The following FBXL12 variants were observed in gnomAD, a reference collection of about 807,000 sequenced individuals.
FBXL12 encodes F-box/LRR-repeat protein 12.
A neutral mutation model predicts 24.9 loss-of-function variants in FBXL12; 22 were observed. The ratio of observed to expected loss-of-function variants is 0.88; its 90% CI spans 0.63 to 1.26. FBXL12 has a LOEUF of 1.26. FBXL12 is among the 50% of genes most tolerant of loss of function. FBXL12 has a pLI of 0.00. For synonymous variants in FBXL12, 193 were observed against 193.8 expected (o/e 1.00, Z 0.03); for missense variants, 384 against 434.1 (o/e 0.88, Z 1.03).
rs1289319912 is a variant in FBXL12 at position 9,818,761 on chromosome 19, T to G, written c.53A>C (p.Tyr18Ser). ...GCGGATCCGGTCCCGTACCGGGAGG[T>G]AAGAGAAGATCTCGAGCAGGACCGA... ...PDSVLLEIFS[Y>S]LPVRDRIRIS... Residue 18 changes from tyrosine (Y) to serine (S), a missense_variant, in exon 1 of 3, where the codon TAC (tyrosine) becomes TCC (serine). Coordinates refer to ENST00000247977, the MANE Select transcript of FBXL12 (RefSeq NM_017703.3). 7 of 1,553,278 alleles carry G rather than the reference T, an allele frequency of 4.5e-6. No homozygotes were observed. Among genetic ancestry groups the G allele is most frequent in the Non-Finnish European group, 6.1e-6 (7 of 1,147,504 alleles).
chr19:9,815,869 G>T (rs1395239749), intron 2 of FBXL12, among the ~76,000 whole-genome samples: 9 of 152,236 alleles, frequency 5.9e-5, no homozygotes, highest in Admixed American at 1.3e-4. Context: ...GGCTGGTCTT[G>T]AACTCCTGAC....
In FBXL12 at chr19:9,818,996, C is replaced by A. The variant is rs777580105; in HGVS notation, c.-183G>T. Reference sequence around the variant, plus strand: ...CCAGCCGCGGATGGGGACCAGAAACCAGCCTGGAAAGCGTGGCTGAGGCAG... The same window carrying A: ...CCAGCCGCGGATGGGGACCAGAAACAAGCCTGGAAAGCGTGGCTGAGGCAG... On this transcript the variant is annotated 5_prime_UTR_variant, in exon 1 of 3. Transcript: ENST00000247977. 4.8e-6 allele frequency: 3 copies of A among 623,908 alleles called. No individual in the cohort carries two copies. Among genetic ancestry groups the A allele is most frequent in the Non-Finnish European group, 8.5e-6 (3 of 353,580 alleles). 38.6% of individuals were successfully genotyped at this position (623,908 alleles called of 1,614,324 possible). A position where few individuals can be genotyped will look rare whatever the true frequency, so the allele number is the denominator to read the frequency against.
chr19:9,817,741 A>C (rs2045913077), intron 2 of FBXL12, among the ~76,000 whole-genome samples: 1 of 152,206 alleles, frequency 6.6e-6, no homozygotes, highest in South Asian at 2.1e-4. Context: ...AAATTGTTTA[A>C]AAGTAGAACA....
intron 2 of FBXL12, among the ~76,000 whole-genome samples, chr19:9,813,668 TG>T (rs931080887): frequency 6.6e-6 from 1 of 151,836 alleles, no homozygotes; most frequent in Non-Finnish European, 1.5e-5. Context: ...TGCCCGGCTA[TG>T]TTTTTTTTGT....
intron 2 of FBXL12, among the ~76,000 whole-genome samples, chr19:9,817,260 C>T (rs2045906343): frequency 6.6e-6 from 1 of 152,108 alleles, no homozygotes; most frequent in African/African-American, 2.4e-5. Flanking sequence ...TTTGCCACTG[C>T]CTGGGTGACA....
In FBXL12 at chr19:9,810,767, C is replaced by A; in HGVS notation, c.*129G>T. 1 of 695,924 alleles carries A rather than the reference C, an allele frequency of 1.4e-6. No individual in the cohort carries two copies. Among genetic ancestry groups the A allele is most frequent in the Non-Finnish European group, 2.4e-6 (1 of 424,224 alleles). 43.1% of individuals were successfully genotyped at this position (695,924 alleles called of 1,614,324 possible). A position where few individuals can be genotyped will look rare whatever the true frequency, so the allele number is the denominator to read the frequency against. ...TTCCAATGGTCTGGAGGTCCCTAGG[C>A]CTCTGTTCTCTCAACCTGGGGCTTT... On this transcript the variant is annotated 3_prime_UTR_variant, in exon 3 of 3. Transcript: ENST00000247977.
In FBXL12 at chr19:9,811,641, T is replaced by A. The variant is rs1281573653; in HGVS notation, c.236A>T (p.Tyr79Phe). 2 of 1,527,230 alleles carry A rather than the reference T, an allele frequency of 1.3e-6. No homozygotes were observed. The highest frequency in any genetic ancestry group is 1.8e-6 in the Non-Finnish European group (2 of 1,137,106). 94.6% of individuals were successfully genotyped at this position (1,527,230 alleles called of 1,614,324 possible). A position where few individuals can be genotyped will look rare whatever the true frequency, so the allele number is the denominator to read the frequency against. Reference protein sequence around the residue: ...SRLHSLRMGGYLFSGSQAPQL... With the variant: ...SRLHSLRMGGFLFSGSQAPQL... Reference sequence around the variant, plus strand: ...GGGGGCCTGGGAGCCAGAGAACAGGTAGCCACCCATCCGCAGGGAATGGAG... The same window carrying A: ...GGGGGCCTGGGAGCCAGAGAACAGGAAGCCACCCATCCGCAGGGAATGGAG... The change falls in exon 3 of 3, where the codon TAC becomes TTC. Residue 79 changes from tyrosine (Y) to phenylalanine (F), a missense_variant. Physicochemically the swap from Tyr to Phe is conservative, Grantham distance 22. Transcript: ENST00000247977. This position sits in a 1 kb window ranked among gnomAD's most constrained non-coding sequence, Gnocchi z 6.0.
Position 9,818,765 on chromosome 19 carries a change from A to C in FBXL12, c.49T>G (p.Ser17Ala). ...LPDSVLLEIFSYLPVRDRIRI... is the reference protein window; with the variant it reads ...LPDSVLLEIFAYLPVRDRIRI... The stretch of plus-strand genomic sequence containing the variant: ...ATCCGGTCCCGTACCGGGAGGTAAG[A>C]GAAGATCTCGAGCAGGACCGAGTCC... The change falls in exon 1 of 3, where the codon TCT (serine) becomes GCT (alanine). Residue 17 changes from serine to alanine, a missense_variant. Transcript: ENST00000247977. 1 of 1,555,588 alleles carries C rather than the reference A, an allele frequency of 6.4e-7. No homozygotes were observed. The highest frequency in any genetic ancestry group is 8.7e-7 in the Non-Finnish European group (1 of 1,148,426).
Position 9,811,486 on chromosome 19 carries a change from G to T in FBXL12, c.391C>A (p.Leu131Met). The T allele has an allele frequency of 6.2e-7, 1 of 1,613,894 alleles. No homozygotes were observed. The highest frequency in any genetic ancestry group is 2.2e-5 in the East Asian group (1 of 44,874). Residue 131 changes from leucine (L) to methionine (M), a missense_variant, in exon 3 of 3, where the codon CTG becomes ATG. Coordinates refer to ENST00000247977, the MANE Select transcript of FBXL12 (RefSeq NM_017703.3). The surrounding 1 kb of genome is among the most constrained non-coding windows in gnomAD (Gnocchi z 6.0). The part of the protein sequence containing the change: ...SLPSTLRTLE[L>M]HSCEISMAWL... ...GCCATGGAGATCTCGCAGCTGTGCA[G>T]CTCCAGGGTCCTCAAGGTGCTGGGC... is the stretch of plus-strand genomic sequence containing the variant.
chr19:9,815,974 G>A (rs2045874441), intron 2 of FBXL12, among the ~76,000 whole-genome samples: 1 of 152,166 alleles, frequency 6.6e-6, no homozygotes, highest in African/African-American at 2.4e-5. Flanking sequence ...TGGCTTCTGT[G>A]CACCAGCAGG....
intron 2 of FBXL12, among the ~76,000 whole-genome samples, chr19:9,812,302 G>A (rs1599423540): frequency 1.3e-5 from 2 of 152,084 alleles, no homozygotes; most frequent in Admixed American, 1.3e-4. Flanking sequence ...AGGCTGAGGT[G>A]GATGGATCAT....
intron 2 of FBXL12, chr19:9,814,428 T>C (rs1019684768): frequency 1.3e-5 from 2 of 152,112 alleles, no homozygotes; most frequent in Non-Finnish European, 2.9e-5. Context: ...GAGAATCGCT[T>C]GAACACGGGA....
chr19:9,812,759 TAAAAAAAA>T (rs35525468), intron 2 of FBXL12, among the ~76,000 whole-genome samples: 1 of 114,466 alleles, frequency 8.7e-6, no homozygotes, highest in Non-Finnish European at 1.8e-5. Flanking sequence ...AGGTCTATGT[TAAAAAAAA>T]AAAAAAAAAA....
rs958215477 is a variant in FBXL12, at chr19:9,810,639, T to C, written c.*257A>G. The C allele has an allele frequency of 1.3e-5, 5 of 382,968 alleles. No individual in the cohort carries two copies. Among genetic ancestry groups the C allele is most frequent in the South Asian group, 8.2e-5 (1 of 12,168 alleles). 23.7% of individuals were successfully genotyped at this position (382,968 alleles called of 1,614,324 possible). On this transcript the variant is annotated 3_prime_UTR_variant, in exon 3 of 3. Coordinates refer to ENST00000247977, the MANE Select transcript of FBXL12 (RefSeq NM_017703.3). The stretch of plus-strand genomic sequence containing the variant: ...GAGCTTTTAGAGTAAGGCTTTGCAA[T>C]GTAACCGTGAGGTAGCTATGATCAT...
At position 9,811,614 on chromosome 19, in the gene FBXL12, TG is replaced by T; in HGVS notation, c.262del (p.Gln88SerfsTer7). 2 of 1,538,066 alleles carry T rather than the reference TG, an allele frequency of 1.3e-6. No homozygotes were observed. Among genetic ancestry groups the T allele is most frequent in the Non-Finnish European group, 8.8e-7 (1 of 1,141,240 alleles). ...GGCTCTCAACAGAGCAGGGGACAAC[TG>T]GGGGGCCTGGGAGCCAGAGAACAGG... ...GYLFSGSQAP[Q>X]LSPALLRALG... On this transcript the variant is annotated frameshift_variant, in exon 3 of 3. Transcript: ENST00000247977. LOFTEE classifies it high-confidence loss of function. The surrounding 1 kb of genome is among the most constrained non-coding windows in gnomAD (Gnocchi z 6.0).
chr19:9,815,499 G>A (rs1023424697), intron 2 of FBXL12, among the ~76,000 whole-genome samples: 1 of 152,180 alleles, frequency 6.6e-6, no homozygotes. Context: ...ACCCAATAGG[G>A]ACTCTGTGTG....
At chr19:9,815,525 C>T (rs1387076259) in intron 2 of FBXL12, among the ~76,000 whole-genome samples, 1 of 152,234 alleles carries the variant, frequency 6.6e-6, no homozygotes, top group Non-Finnish European at 1.5e-5. Context: ...TCTGACCCCA[C>T]ATTTCCCTTC....
At position 9,813,172 on chromosome 19, in the gene FBXL12, C is replaced by T. The variant is rs983389749; in HGVS notation, c.160-1455G>A. 3.4e-5 allele frequency: 33 copies of T among 972,642 alleles called. No homozygotes were observed. In the African/African-American group the frequency reaches 5.6e-4, roughly 16 times the overall value. 60.3% of individuals were successfully genotyped at this position (972,642 alleles called of 1,614,324 possible). On this transcript the variant is annotated intron_variant, in intron 2 of 2. Coordinates refer to ENST00000247977, the MANE Select transcript of FBXL12 (RefSeq NM_017703.3). Reference sequence around the variant, plus strand: ...AATAAAAAATATATATAATTGATAGCACTGGGCATTTCATTCTAAGTACAG... The same window carrying T: ...AATAAAAAATATATATAATTGATAGTACTGGGCATTTCATTCTAAGTACAG...
In FBXL12 at chr19:9,819,020, A is replaced by G. The variant is rs2045946474; in HGVS notation, c.-207T>C. ...CCAGCCTGGAAAGCGTGGCTGAGGC[A>G]GTGAGAGGCTTGCGGGAGGTGGCTG... On this transcript the variant is annotated 5_prime_UTR_variant, in exon 1 of 3. Transcript: ENST00000247977. 6.7e-6 allele frequency: 4 copies of G among 597,460 alleles called. No homozygotes were observed. Among genetic ancestry groups the G allele is most frequent in the Admixed American group, 3.0e-5 (1 of 32,914 alleles). 37.0% of individuals were successfully genotyped at this position (597,460 alleles called of 1,614,324 possible).
Sources: allele counts gnomAD v4.1 joint callset (sites outside exome capture counted in the v4.1 genomes callset), GRCh38; gene constraint gnomAD v4.1.1; non-coding constraint Gnocchi (gnomAD v3.1); transcripts MANE v1.5; gene names NCBI Gene and HGNC (gene_info 2026-07-23, HGNC 2026-07-21).